PARD3B: variants seen among roughly 807,000 people sequenced by gnomAD.
PARD3B encodes the protein par-3 family cell polarity regulator beta, also known as partitioning defective 3 homolog B.
PARD3B carries 103 observed loss-of-function variants against 130.2 expected under a neutral mutation model. That is an observed-to-expected ratio of 0.79 (90% CI 0.67 to 0.93). The LOEUF is 0.93. Ranked by LOEUF, PARD3B falls within the 40% of genes least tolerant of loss-of-function variation. The pLI is 0.00. For missense variants in PARD3B, 1,609 were observed against 1,499.2 expected (o/e 1.07, Z -1.21); for synonymous variants, 583 against 553.2 (o/e 1.05, Z -0.76).
chr2:205,368,863 A>G (rs1374150970), intron 18 of PARD3B, among the ~76,000 whole-genome samples: 1 of 149,978 alleles, frequency 6.7e-6, no homozygotes, highest in African/African-American at 2.5e-5. Context: ...GGGAAAACAA[A>G]AAAAAAAAAA....
intron 22 of PARD3B, among the ~76,000 whole-genome samples, chr2:205,581,058 A>G (rs2106568474): frequency 6.6e-6 from 1 of 152,196 alleles, no homozygotes; most frequent in East Asian, 1.9e-4. Flanking sequence ...AGCATTAACT[A>G]ATGCTTTCAT....
At chr2:205,328,111 A>G in intron 18 of PARD3B, among the ~76,000 whole-genome samples, 1 of 152,324 alleles carries the variant, frequency 6.6e-6, no homozygotes, top group East Asian at 1.9e-4. Flanking sequence ...CAAATTAGAC[A>G]TTTTAAAGAA....
At chr2:204,733,216 G>C (rs181625940) in intron 2 of PARD3B, among the ~76,000 whole-genome samples, 26 of 152,248 alleles carry the variant, frequency 1.7e-4, no homozygotes, top group African/African-American at 6.3e-4. Context: ...AAAAGCCATT[G>C]AGTAAGTGAT....
chr2:204,940,721 C>T (rs781291093), intron 2 of PARD3B, among the ~76,000 whole-genome samples: 9 of 152,068 alleles, frequency 5.9e-5, no homozygotes, highest in Non-Finnish European at 1.3e-4. Context: ...TTGAGTGCAG[C>T]TTGAAAATTA....
Position 205,253,772 on chromosome 2 carries a change from A to G in PARD3B, c.2185+7950A>G, listed in dbSNP as rs945598054. ...ATATGAGCAAAGTGCAGAAAGTGAG[A>G]AAAAAGGACCAAGTTGGATCTCCTC... On this transcript the variant is annotated intron_variant, in intron 16 of 22. Coordinates refer to ENST00000406610, the MANE Select transcript of PARD3B (RefSeq NM_001302769.2). This position sits in a 1 kb window ranked among gnomAD's most constrained non-coding sequence, Gnocchi z 4.4. Among the ~76,000 whole-genome samples the G allele has an allele frequency of 5.9e-5, 9 of 152,118 alleles. No homozygotes were observed. Among genetic ancestry groups the G allele is most frequent in the Non-Finnish European group, 1.0e-4 (7 of 67,994 alleles).
intron 19 of PARD3B, among the ~76,000 whole-genome samples, chr2:205,413,580 C>T (rs929263809): frequency 3.9e-5 from 6 of 152,062 alleles, no homozygotes; most frequent in African/African-American, 1.2e-4. Flanking sequence ...AAAGCTATAG[C>T]GTTTAGAGAT....
chr2:204,782,927 C>G (rs573476597), intron 2 of PARD3B, among the ~76,000 whole-genome samples: 1 of 152,122 alleles, frequency 6.6e-6, no homozygotes, highest in East Asian at 1.9e-4. Context: ...GGTTTTCTGA[C>G]AAGGAGAGTG....
intron 10 of PARD3B, among the ~76,000 whole-genome samples, chr2:205,145,917 T>C (rs959460050): frequency 6.6e-6 from 1 of 152,116 alleles, no homozygotes; most frequent in Non-Finnish European, 1.5e-5. Flanking sequence ...GCCTGTATAT[T>C]AGACATTGGA....
At chr2:205,069,590 C>T (rs1329188385) in intron 4 of PARD3B, among the ~76,000 whole-genome samples, 1 of 151,758 alleles carries the variant, frequency 6.6e-6, no homozygotes, top group Non-Finnish European at 1.5e-5. Flanking sequence ...TTTCATAACA[C>T]AGAAATTTGA....
chr2:205,109,828 A>G (rs576492485), intron 5 of PARD3B, among the ~76,000 whole-genome samples: 2 of 151,772 alleles, frequency 1.3e-5, no homozygotes, highest in South Asian at 2.1e-4. Context: ...TAATTTTTGT[A>G]TTTTTAGTAG....
intron 18 of PARD3B, among the ~76,000 whole-genome samples, chr2:205,370,287 A>G (rs980398188): frequency 1.3e-5 from 2 of 152,238 alleles, no homozygotes; most frequent in African/African-American, 4.8e-5. Flanking sequence ...AAAAACATAA[A>G]TGAAACCCCT....
chr2:205,161,982 A>T (rs1486319090), intron 11 of PARD3B, among the ~76,000 whole-genome samples: 6 of 151,626 alleles, frequency 4.0e-5, no homozygotes, highest in Non-Finnish European at 7.4e-5. Flanking sequence ...CAGATGTAAA[A>T]CCCCTGAATA....
chr2:204,681,243 C>T (rs2036817775), intron 1 of PARD3B, among the ~76,000 whole-genome samples: 1 of 152,080 alleles, frequency 6.6e-6, no homozygotes, highest in East Asian at 1.9e-4. Flanking sequence ...TATGGCCATA[C>T]CAACTTTCTT....
At chr2:205,378,204 G>A (rs1287279456) in intron 18 of PARD3B, among the ~76,000 whole-genome samples, 1 of 152,156 alleles carries the variant, frequency 6.6e-6, no homozygotes, top group African/African-American at 2.4e-5. Context: ...CCCTCTCACA[G>A]TTATAACAGA....
At chr2:204,777,822 T>G (rs114679865) in intron 2 of PARD3B, among the ~76,000 whole-genome samples, 8 of 152,120 alleles carry the variant, frequency 5.3e-5, no homozygotes, top group South Asian at 2.1e-4. Context: ...AATCCTCATA[T>G]GTCGAGGGAG....
At chr2:205,522,331 G>C (rs1473561633) in intron 21 of PARD3B, among the ~76,000 whole-genome samples, 7 of 149,040 alleles carry the variant, frequency 4.7e-5, no homozygotes, top group Admixed American at 4.6e-4. Flanking sequence ...TTTTTCCTTT[G>C]ATCAAGAATG....
intron 4 of PARD3B, among the ~76,000 whole-genome samples, chr2:205,063,895 T>C (rs900103300): frequency 2.6e-5 from 4 of 151,980 alleles, no homozygotes; most frequent in African/African-American, 9.7e-5. Context: ...AGGATCTGTT[T>C]GTAGGCAAAG....
At chr2:204,965,543 C>T (rs1401466396) in intron 3 of PARD3B, among the ~76,000 whole-genome samples, 1 of 152,024 alleles carries the variant, frequency 6.6e-6, no homozygotes, top group Non-Finnish European at 1.5e-5. Flanking sequence ...GAATTGTATG[C>T]CCTCGAAGTA....
chr2:205,392,026 T>C (rs1296804914), intron 18 of PARD3B, among the ~76,000 whole-genome samples: 1 of 152,308 alleles, frequency 6.6e-6, no homozygotes, highest in South Asian at 2.1e-4. Context: ...GTTTAAAAAA[T>C]ATTAGTTATT....
Sources: gnomAD v4.1 joint callset for allele counts (sites outside exome capture counted in the v4.1 genomes callset) on GRCh38, gnomAD v4.1.1 for gene constraint, Gnocchi (gnomAD v3.1) non-coding constraint, MANE v1.5 for transcripts, NCBI Gene and HGNC (gene_info 2026-07-23, HGNC 2026-07-21) for gene names.